Variants in ZNF385D observed in about 807,000 individuals in gnomAD.
ZNF385D encodes zinc finger protein 659.
Under a neutral mutation model 35.8 loss-of-function variants are expected in ZNF385D, and 15 were observed. The observed-to-expected ratio is 0.42, with a 90% confidence interval of 0.28 to 0.64. ZNF385D has a LOEUF of 0.64. Among genes scored for constraint, ZNF385D ranks in the 30% least tolerant of loss-of-function variants. ZNF385D has a pLI of 0.23. For synonymous variants in ZNF385D, 212 were observed against 186.8 expected (o/e 1.13, Z -1.10); for missense variants, 474 against 494.6 (o/e 0.96, Z 0.39).
chr3:21,830,911 G>A (rs913781608), intron 3 of ZNF385D, among the ~76,000 whole-genome samples: 1 of 152,080 alleles, frequency 6.6e-6, no homozygotes, highest in African/African-American at 2.4e-5. Context: ...TTCACTGAAG[G>A]GTGTCATACC....
chr3:21,666,799 C>T (rs907533838), intron 1 of ZNF385D, among the ~76,000 whole-genome samples: 5 of 152,142 alleles, frequency 3.3e-5, no homozygotes, highest in African/African-American at 1.2e-4. Flanking sequence ...GAAGTAAGGC[C>T]AGGTGTGGTG....
intron 2 of ZNF385D, among the ~76,000 whole-genome samples, chr3:21,591,914 T>G (rs931283682): frequency 2.0e-5 from 3 of 152,194 alleles, no homozygotes; most frequent in Non-Finnish European, 4.4e-5. Flanking sequence ...TGTTTAAACT[T>G]TTCCATCATA....
chr3:22,036,611 T>A (rs931457750), intron 3 of ZNF385D, among the ~76,000 whole-genome samples: 2 of 152,046 alleles, frequency 1.3e-5, no homozygotes, highest in African/African-American at 4.8e-5. Flanking sequence ...ATAAAACAGT[T>A]TGGTTGCTTA....
intron 3 of ZNF385D, among the ~76,000 whole-genome samples, chr3:21,926,009 A>C (rs2125234354): frequency 6.6e-6 from 1 of 152,322 alleles, no homozygotes; most frequent in Admixed American, 6.5e-5. Context: ...GAAAATCTGG[A>C]TCACTTATAC....
At chr3:21,671,391 T>C (rs1276703573) in intron 1 of ZNF385D, among the ~76,000 whole-genome samples, 1 of 152,202 alleles carries the variant, frequency 6.6e-6, no homozygotes, top group Non-Finnish European at 1.5e-5. Flanking sequence ...GTTAATGGAA[T>C]TGGCCAGCCA....
chr3:21,478,121 T>A (rs1704366896), intron 4 of ZNF385D, among the ~76,000 whole-genome samples: 1 of 152,056 alleles, frequency 6.6e-6, no homozygotes, highest in African/African-American at 2.4e-5. Context: ...GCAATATCCA[T>A]GAAAGAAAAG....
intron 3 of ZNF385D, among the ~76,000 whole-genome samples, chr3:21,905,441 G>A (rs1265946280): frequency 6.6e-6 from 1 of 151,534 alleles, no homozygotes; most frequent in Non-Finnish European, 1.5e-5. Flanking sequence ...TCAGCATCAG[G>A]CAATCATTCT....
chr3:21,894,550 T>C (rs17010014), intron 3 of ZNF385D, among the ~76,000 whole-genome samples: 6,601 of 152,264 alleles, frequency 0.043, 617 homozygotes, highest in Admixed American at 0.21. Context: ...TAGCTATGAC[T>C]TTACAACAGC....
intron 3 of ZNF385D, among the ~76,000 whole-genome samples, chr3:21,789,386 G>C (rs1344078610): frequency 6.6e-6 from 1 of 152,140 alleles, no homozygotes; most frequent in African/African-American, 2.4e-5. Context: ...CCACTGATCA[G>C]TACTTGGGAG....
At chr3:21,654,493 G>T (rs1031535764) in intron 2 of ZNF385D, among the ~76,000 whole-genome samples, 2 of 151,842 alleles carry the variant, frequency 1.3e-5, no homozygotes, top group Admixed American at 1.3e-4. Context: ...TCAACCATAC[G>T]TTATATGAAT....
intron 3 of ZNF385D, among the ~76,000 whole-genome samples, chr3:21,981,872 T>C (rs1172523630): frequency 3.3e-5 from 5 of 152,154 alleles, no homozygotes; most frequent in African/African-American, 9.7e-5. Flanking sequence ...CAGATGTTCA[T>C]AGATATGTGG....
chr3:21,762,153 A>C (rs980419406), intron 3 of ZNF385D, among the ~76,000 whole-genome samples: 1 of 152,066 alleles, frequency 6.6e-6, no homozygotes, highest in African/African-American at 2.4e-5. Flanking sequence ...CTGGGATTAC[A>C]GGCGTGAGTC....
chr3:22,095,137 T>G (rs1233224427), intron 3 of ZNF385D, among the ~76,000 whole-genome samples: 1 of 145,672 alleles, frequency 6.9e-6, no homozygotes, highest in Non-Finnish European at 1.5e-5. Flanking sequence ...ATGTTGTCCA[T>G]GCTGGTCTCA....
intron 3 of ZNF385D, among the ~76,000 whole-genome samples, chr3:22,127,165 CATTCAATGTT>C (rs1303166168): frequency 6.6e-6 from 1 of 151,878 alleles, no homozygotes; most frequent in Non-Finnish European, 1.5e-5. Context: ...AGGACATTGA[CATTCAATGTT>C]ATTATTGATA....
At chr3:21,835,035 C>T (rs181896608) in intron 3 of ZNF385D, among the ~76,000 whole-genome samples, 136 of 152,166 alleles carry the variant, frequency 8.9e-4, no homozygotes, top group African/African-American at 2.9e-3. Context: ...ACTGACCTAG[C>T]AAGTGCTAGG....
At chr3:21,846,048 C>T (rs1287893704) in intron 3 of ZNF385D, among the ~76,000 whole-genome samples, 1 of 152,008 alleles carries the variant, frequency 6.6e-6, no homozygotes, top group South Asian at 2.1e-4. Flanking sequence ...GAAAACATTT[C>T]TTCCCCAAAG....
At chr3:21,951,899 G>C in intron 3 of ZNF385D, among the ~76,000 whole-genome samples, 1 of 151,568 alleles carries the variant, frequency 6.6e-6, no homozygotes, top group East Asian at 1.9e-4. Flanking sequence ...CACTTGCATG[G>C]AGATAGTAAA....
intron 3 of ZNF385D, among the ~76,000 whole-genome samples, chr3:21,970,997 A>T (rs1227604719): frequency 1.3e-5 from 2 of 152,128 alleles, no homozygotes; most frequent in Non-Finnish European, 2.9e-5. Context: ...GGAGAAAGAA[A>T]TAGTTTTCCA....
rs1698531627 is a variant in ZNF385D, at chr3:22,226,016, C to G, written c.107-56981G>C. Among the ~76,000 whole-genome samples, 3 of 152,098 alleles carry G rather than the reference C, an allele frequency of 2.0e-5. No individual in the cohort carries two copies. The South Asian group carries it at 6.2e-4, about 32-fold the overall frequency. On this transcript the variant is annotated intron_variant, in intron 2 of 5. Transcript: ENST00000494108. ...CCCATTCCCATTGAATTGAAAACCC[C>G]ACCAGCTACTTCCATATGCACAGTA...
Sources: allele counts gnomAD v4.1 joint callset (sites outside exome capture counted in the v4.1 genomes callset), GRCh38; gene constraint gnomAD v4.1.1; transcripts MANE v1.5; gene names NCBI Gene and HGNC (gene_info 2026-07-23, HGNC 2026-07-21).